Variants in CBL observed in about 807,000 individuals in gnomAD.
CBL encodes E3 ubiquitin-protein ligase CBL.
Under a neutral mutation model 96.9 loss-of-function variants are expected in CBL, and 45 were observed. The ratio of observed to expected loss-of-function variants is 0.46; its 90% CI spans 0.37 to 0.60. The LOEUF (loss-of-function observed/expected upper bound fraction) is 0.60. Among genes scored for constraint, CBL ranks in the 20% least tolerant of loss-of-function variants. The probability of loss-of-function intolerance (pLI) is 0.00; values close to 1 mark genes in which losing one functional copy is unlikely to be tolerated. For synonymous variants in CBL, 420 were observed against 426.8 expected, an observed-to-expected ratio of 0.98 and a Z score of 0.20; for missense variants, 1,024 against 1,143.5, an observed-to-expected ratio of 0.90 and a Z score of 1.51.
chr11:119,297,353 A>C, intron 13 of CBL, 31 bp from the exon 14 acceptor site: 1 of 1,505,764 alleles, frequency 6.6e-7, no homozygotes, highest in Non-Finnish European at 9.2e-7. Context: ...CTATTTCCAA[A>C]GATCATTATG....
chr11:119,256,369 T>G (rs1442219448), intron 2 of CBL, among the ~76,000 whole-genome samples: 3 of 151,806 alleles, frequency 2.0e-5, no homozygotes, highest in Admixed American at 2.0e-4. Flanking sequence ...TCAGTAGAGA[T>G]AGAGTTTCAT....
At chr11:119,278,374 A>G (rs1949906275) in intron 8 of CBL, 77 bp downstream of exon 8, 3 of 1,569,646 alleles carry the variant, frequency 1.9e-6, no homozygotes, top group Middle Eastern at 3.4e-4. Context: ...CTTTACTGAT[A>G]CAAGGGGTGG....
chr11:119,287,545 T>G (rs1949993028), intron 11 of CBL, among the ~76,000 whole-genome samples: 1 of 152,222 alleles, frequency 6.6e-6, no homozygotes, highest in African/African-American at 2.4e-5. Flanking sequence ...ATTTTGCGTT[T>G]GGATATAGAT....
intron 12 of CBL, chr11:119,289,448 C>T (rs551530144): frequency 6.6e-6 from 1 of 152,084 alleles, no homozygotes; most frequent in East Asian, 1.9e-4. Flanking sequence ...AGTTCTATTT[C>T]TTGCCTGCCT....
At chr11:119,258,413 G>A (rs565535423) in intron 2 of CBL, among the ~76,000 whole-genome samples, 2 of 152,146 alleles carry the variant, frequency 1.3e-5, no homozygotes, top group Non-Finnish European at 2.9e-5. Context: ...GCCCGAGCAG[G>A]AGGAAGAATG....
At chr11:119,234,160 C>A (rs1949525224) in intron 2 of CBL, among the ~76,000 whole-genome samples, 1 of 152,158 alleles carries the variant, frequency 6.6e-6, no homozygotes, top group African/African-American at 2.4e-5. Context: ...GCATGCACCG[C>A]TGTGCCCGGC....
chr11:119,238,659 G>A (rs578097732), intron 2 of CBL, among the ~76,000 whole-genome samples: 7 of 152,150 alleles, frequency 4.6e-5, no homozygotes, highest in Non-Finnish European at 1.0e-4. Flanking sequence ...GTGAAATCCC[G>A]TCTCTACTAA....
At position 119,253,427 on chromosome 11, in the gene CBL, C is replaced by G. The variant is rs374316997; in HGVS notation, c.444-18308C>G. 8.7e-5 allele frequency among the ~76,000 whole-genome samples: 11 copies of G among 126,744 alleles called. No homozygotes were observed. The Admixed American group carries it at 8.8e-4, about 10-fold the overall frequency. The allele number at this position is 126,744 out of a possible 152,430, so 83.1% of individuals were successfully genotyped here. A position where few individuals can be genotyped will look rare whatever the true frequency, so the allele number is the denominator to read the frequency against. ...GAGCCCAGGAGTTCGATCCAGCCTG[C>G]TCAATATAGCAAGACCTCATCTCAA... On this transcript the variant is annotated intron_variant, in intron 2 of 15. Coordinates refer to ENST00000264033, the MANE Select transcript of CBL (RefSeq NM_005188.4).
At position 119,305,588 on chromosome 11, in the gene CBL, T is replaced by G. The variant is rs147487736; in HGVS notation, c.*5807T>G. On this transcript the variant is annotated 3_prime_UTR_variant, in exon 16 of 16. Transcript: ENST00000264033. ...CCTTCCTAGGCACCTCAGAAACTACTTTGCCAGAGCCAGTAAGAATATATA... is the reference window on the plus strand; with the variant it reads ...CCTTCCTAGGCACCTCAGAAACTACGTTGCCAGAGCCAGTAAGAATATATA... 25 of 226,938 alleles carry G rather than the reference T, an allele frequency of 1.1e-4. No homozygotes were observed. The highest frequency in any genetic ancestry group is 4.0e-4 in the Admixed American group (7 of 17,562). The allele number at this position is 226,938 out of a possible 1,614,324, so 14.1% of individuals were successfully genotyped here. A position where few individuals can be genotyped will look rare whatever the true frequency, so the allele number is the denominator to read the frequency against.
At chr11:119,273,303 C>CA (rs934295010) in intron 3 of CBL, among the ~76,000 whole-genome samples, 1 of 152,214 alleles carries the variant, frequency 6.6e-6, no homozygotes, top group African/African-American at 2.4e-5. Context: ...CACAGTGGCT[C>CA]ACTCCTGTAG....
rs368910628 is a variant in CBL, at chr11:119,272,445, C to A, written c.590+564C>A. ...CCATTCTGCTCTTAATGGACATGTA[C>A]ATTTCACATTATTTGCTATCAGCAG... On this transcript the variant is annotated intron_variant, in intron 3 of 15. Coordinates refer to ENST00000264033, the MANE Select transcript of CBL (RefSeq NM_005188.4). Among the ~76,000 whole-genome samples the A allele has an allele frequency of 2.0e-5, 3 of 152,292 alleles. No individual in the cohort carries two copies. In the East Asian group the frequency reaches 5.8e-4, roughly 29 times the overall value.
chr11:119,245,863 G>T (rs760629878), intron 2 of CBL, among the ~76,000 whole-genome samples: 1 of 151,274 alleles, frequency 6.6e-6, no homozygotes, highest in East Asian at 1.9e-4. Context: ...TATGTTGCCC[G>T]GGCTGGAATT....
At chr11:119,276,229 C>A in intron 6 of CBL, 95 bp downstream of exon 6, 3 of 1,253,438 alleles carry the variant, frequency 2.4e-6, no homozygotes, top group Non-Finnish European at 3.5e-6. Context: ...TCTTAAACTG[C>A]AGACTAAGAT....
At chr11:119,224,057 G>C (rs990773085) in intron 1 of CBL, among the ~76,000 whole-genome samples, 1 of 152,144 alleles carries the variant, frequency 6.6e-6, no homozygotes, top group Non-Finnish European at 1.5e-5. Context: ...CCCTGGTCAT[G>C]ATGATTCATT....
intron 2 of CBL, among the ~76,000 whole-genome samples, chr11:119,238,313 G>C (rs547126484): frequency 2.7e-4 from 41 of 151,554 alleles, no homozygotes; most frequent in Non-Finnish European, 4.7e-4. Flanking sequence ...GGGTTCAAGC[G>C]ATTCTCCTGC....
intron 9 of CBL, among the ~76,000 whole-genome samples, chr11:119,283,625 CTTTTTTTTTTTTTTTT>C (rs398017760): frequency 1.5e-4 from 7 of 45,512 alleles, no homozygotes; most frequent in Admixed American, 3.6e-4. Flanking sequence ...TTAATTCTTT[CTTTTTTTTTTTTTTTT>C]TTTTTTTTTT....
chr11:119,228,058 C>CTTTTTT (rs967696815), intron 1 of CBL, among the ~76,000 whole-genome samples: 1 of 145,990 alleles, frequency 6.8e-6, no homozygotes, highest in Admixed American at 6.9e-5. Context: ...TATGCTCACT[C>CTTTTTT]TTTTTTTTTT....
In CBL at chr11:119,307,630, A is replaced by T. The variant is rs1225669689; in HGVS notation, c.*7849A>T. The T allele has an allele frequency of 4.3e-6, 1 of 230,314 alleles. No homozygotes were observed. Among genetic ancestry groups the T allele is most frequent in the Non-Finnish European group, 8.6e-6 (1 of 116,222 alleles). The allele number at this position is 230,314 out of a possible 1,614,324, so 14.3% of individuals were successfully genotyped here. On this transcript the variant is annotated 3_prime_UTR_variant, in exon 16 of 16. Transcript: ENST00000264033. ...AAGTTTTTCTATATAATGACATCTT[A>T]CTTATCTTTTACCCTTTCCTCAGTT...
intron 1 of CBL, among the ~76,000 whole-genome samples, chr11:119,218,114 G>C (rs1051127726): frequency 6.6e-6 from 1 of 152,086 alleles, no homozygotes; most frequent in Non-Finnish European, 1.5e-5. Context: ...CTGATTCTTA[G>C]TTACCTCAAG....
Sources: allele counts gnomAD v4.1 joint callset (sites outside exome capture counted in the v4.1 genomes callset), GRCh38; gene constraint gnomAD v4.1.1; transcripts MANE v1.5; gene names NCBI Gene and HGNC (gene_info 2026-07-23, HGNC 2026-07-21).